NCAM2: variants seen among roughly 807,000 people sequenced by gnomAD.
The protein encoded by NCAM2 is N-CAM-2.
A neutral mutation model predicts 98.1 loss-of-function variants in NCAM2; 30 were observed. The ratio of observed to expected loss-of-function variants is 0.31; its 90% CI spans 0.23 to 0.41. NCAM2 has a LOEUF of 0.41. NCAM2 is among the 10% of genes least tolerant of loss of function. The pLI, the probability that NCAM2 is intolerant of heterozygous loss-of-function variation, is 1.00. For synonymous variants in NCAM2, 368 were observed against 342.4 expected, an observed-to-expected ratio of 1.07 and a Z score of -0.83; for missense variants, 867 against 1,005.8, an observed-to-expected ratio of 0.86 and a Z score of 1.87.
chr21:21,141,952 T>C (rs1601481316), intron 1 of NCAM2, among the ~76,000 whole-genome samples: 1 of 152,274 alleles, frequency 6.6e-6, no homozygotes. Flanking sequence ...AGAAAAATAA[T>C]AGATACATGA....
intron 1 of NCAM2, chr21:21,223,249 C>G (rs9979248): frequency 6.6e-6 from 1 of 151,988 alleles, no homozygotes; most frequent in African/African-American, 2.4e-5. Context: ...TAGGTAATTT[C>G]TAGAATCACA....
intron 1 of NCAM2, among the ~76,000 whole-genome samples, chr21:21,163,101 A>G (rs1241460015): frequency 6.6e-6 from 1 of 152,218 alleles, no homozygotes; most frequent in Non-Finnish European, 1.5e-5. Context: ...AGATGTTCAT[A>G]TAATCATGTA....
chr21:21,277,607 T>A (rs2072777029), intron 1 of NCAM2, among the ~76,000 whole-genome samples: 1 of 152,054 alleles, frequency 6.6e-6, no homozygotes, highest in Admixed American at 6.6e-5. Flanking sequence ...TCCTAGGTGA[T>A]CATAGCTGCA....
chr21:21,342,097 T>C (rs1602043745), intron 8 of NCAM2, among the ~76,000 whole-genome samples: 2 of 152,298 alleles, frequency 1.3e-5, no homozygotes, highest in Admixed American at 1.3e-4. Context: ...TTGGAAGACC[T>C]TCCTCCCCAT....
At chr21:21,350,257 C>G (rs1407804932) in intron 8 of NCAM2, among the ~76,000 whole-genome samples, 1 of 151,970 alleles carries the variant, frequency 6.6e-6, no homozygotes, top group Non-Finnish European at 1.5e-5. Flanking sequence ...AAACTTAACA[C>G]TATTCTCACT....
chr21:21,064,171 A>G lies in NCAM2; in HGVS notation c.55+65553A>G, dbSNP rs138879841. The stretch of plus-strand genomic sequence containing the variant: ...TACAGCATTGAATGTGGAGGCTTTG[A>G]GGCTGGAGATATTGGTGGGGGCAAG... On this transcript the variant is annotated intron_variant, in intron 1 of 17. Coordinates refer to ENST00000400546, the MANE Select transcript of NCAM2 (RefSeq NM_004540.5). Among the ~76,000 whole-genome samples the G allele has an allele frequency of 2.1e-4, 32 of 152,280 alleles. No individual in the cohort carries two copies. In the East Asian group the frequency reaches 5.8e-3, roughly 28 times the overall value.
intron 1 of NCAM2, among the ~76,000 whole-genome samples, chr21:21,265,313 G>GTA: frequency 8.0e-6 from 1 of 124,316 alleles, no homozygotes; most frequent in South Asian, 2.4e-4. Flanking sequence ...ATACATACAC[G>GTA]TATATATACA....
At position 21,508,748 on chromosome 21, in the gene NCAM2, G is replaced by T. The variant is rs1227348206; in HGVS notation, c.2078-103G>T. 4.4e-5 allele frequency: 38 copies of T among 864,922 alleles called. No homozygotes were observed. In the East Asian group the frequency reaches 5.2e-4, roughly 12 times the overall value. The allele number at this position is 864,922 out of a possible 1,614,324, so 53.6% of individuals were successfully genotyped here. On this transcript the variant is annotated intron_variant, in intron 15 of 17. Transcript: ENST00000400546. ...TCTCTTAAATTGAATTATTGGAAAA[G>T]ATTTATTTTTAAAATAATCATCTAA...
chr21:21,005,596 C>A (rs554474570), intron 1 of NCAM2, among the ~76,000 whole-genome samples: 2 of 152,048 alleles, frequency 1.3e-5, no homozygotes, highest in East Asian at 3.9e-4. Flanking sequence ...TATTTGTCAT[C>A]TGTCTTTATC....
intron 1 of NCAM2, among the ~76,000 whole-genome samples, chr21:21,095,695 T>G (rs910233283): frequency 6.6e-6 from 1 of 151,700 alleles, no homozygotes; most frequent in Non-Finnish European, 1.5e-5. Context: ...CAAGGACCTG[T>G]GAATATAATA....
intron 1 of NCAM2, among the ~76,000 whole-genome samples, chr21:21,169,684 C>A (rs2068059284): frequency 6.6e-6 from 1 of 152,170 alleles, no homozygotes; most frequent in Non-Finnish European, 1.5e-5. Flanking sequence ...CATGGTGGCT[C>A]ATGCCGGTAA....
chr21:21,383,322 G>A (rs1273339813), intron 9 of NCAM2, among the ~76,000 whole-genome samples: 1 of 152,122 alleles, frequency 6.6e-6, no homozygotes, highest in Non-Finnish European at 1.5e-5. Context: ...TAAAATTTCT[G>A]TGGGTTTTTA....
At chr21:21,433,262 T>C (rs1338474909) in intron 12 of NCAM2, among the ~76,000 whole-genome samples, 1 of 152,164 alleles carries the variant, frequency 6.6e-6, no homozygotes, top group Non-Finnish European at 1.5e-5. Flanking sequence ...ATTATTTATT[T>C]TAATTATGAA....
intron 14 of NCAM2, among the ~76,000 whole-genome samples, chr21:21,469,220 G>A (rs1382867894): frequency 6.6e-6 from 1 of 151,884 alleles, no homozygotes; most frequent in Non-Finnish European, 1.5e-5. Flanking sequence ...ACAAAGAATG[G>A]CCACGGTGAA....
chr21:21,228,588 A>G (rs1023703209), intron 1 of NCAM2, among the ~76,000 whole-genome samples: 8 of 151,588 alleles, frequency 5.3e-5, no homozygotes, highest in African/African-American at 1.9e-4. Context: ...GTATTCAAAT[A>G]TTAAATATTT....
intron 5 of NCAM2, among the ~76,000 whole-genome samples, chr21:21,300,654 G>C (rs2073679220): frequency 6.6e-6 from 1 of 151,878 alleles, no homozygotes; most frequent in South Asian, 2.1e-4. Flanking sequence ...ATAACCTTAA[G>C]GTATACTGTA....
intron 1 of NCAM2, among the ~76,000 whole-genome samples, chr21:21,275,617 C>G (rs2072699951): frequency 6.6e-6 from 1 of 151,986 alleles, no homozygotes; most frequent in African/African-American, 2.4e-5. Context: ...ATCAATAACC[C>G]TTGTGTCAAC....
intron 15 of NCAM2, among the ~76,000 whole-genome samples, chr21:21,493,448 C>T (rs1272484248): frequency 6.6e-6 from 1 of 151,828 alleles, no homozygotes; most frequent in Non-Finnish European, 1.5e-5. Flanking sequence ...AAAGAGGGCT[C>T]CCATATACCA....
chr21:21,086,730 T>C (rs1451280495), intron 1 of NCAM2, among the ~76,000 whole-genome samples: 1 of 152,152 alleles, frequency 6.6e-6, no homozygotes, highest in Non-Finnish European at 1.5e-5. Context: ...CTAAATGAAA[T>C]GGACAGTTAA....
Sources: allele counts gnomAD v4.1 joint callset (sites outside exome capture counted in the v4.1 genomes callset), GRCh38; gene constraint gnomAD v4.1.1; transcripts MANE v1.5; gene names NCBI Gene and HGNC (gene_info 2026-07-23, HGNC 2026-07-21).